CROCC: variants seen among roughly 807,000 people sequenced by gnomAD.
The protein encoded by CROCC is rootletin.
CROCC carries 180 observed loss-of-function variants against 245.2 expected under a neutral mutation model. The observed-to-expected ratio is 0.73, with a 90% CI of 0.65 to 0.83. The LOEUF is 0.83. Among genes scored for constraint, CROCC ranks in the 40% least tolerant of loss-of-function variants. CROCC has a pLI of 0.00. For synonymous variants in CROCC, 1,205 were observed against 1,241.6 expected, an observed-to-expected ratio of 0.97 and a Z score of 0.62; for missense variants, 2,688 against 2,779.4, an observed-to-expected ratio of 0.97 and a Z score of 0.74.
chr1:16,968,084 G>A, intron 30 of CROCC, 119 bp from the exon 31 acceptor site: 1 of 994,696 alleles, frequency 1.0e-6, no homozygotes. Context: ...GCCGGCCCCA[G>A]GTCACGTAGG....
At chr1:16,916,639 T>C (rs192517791) in intron 1 of CROCC, among the ~76,000 whole-genome samples, 65 of 152,388 alleles carry the variant, frequency 4.3e-4, no homozygotes, top group African/African-American at 1.5e-3. Flanking sequence ...CTCAAGGAAC[T>C]GGGACTACAG....
intron 2 of CROCC, 93 bp downstream of exon 2, chr1:16,922,891 C>G: frequency 6.7e-7 from 1 of 1,498,452 alleles, no homozygotes; most frequent in Non-Finnish European, 9.0e-7. Context: ...ATGATCATGA[C>G]TGTAACTCAC....
At chr1:16,971,770 G>A (rs2100567718) in intron 36 of CROCC, 123 bp downstream of exon 36, 1 of 1,032,092 alleles carries the variant, frequency 9.7e-7, no homozygotes, top group African/African-American at 1.7e-5. Flanking sequence ...AAAAGGGTGG[G>A]GTTGGCTCTG....
At chr1:16,928,916 T>A (rs1438366055) in intron 3 of CROCC, among the ~76,000 whole-genome samples, 1 of 152,204 alleles carries the variant, frequency 6.6e-6, no homozygotes, top group Non-Finnish European at 1.5e-5. Context: ...AACCTCCGCC[T>A]CCCAGGTTCA....
At chr1:16,924,521 C>A in intron 3 of CROCC, 42 bp downstream of exon 3, 1 of 1,596,432 alleles carries the variant, frequency 6.3e-7, no homozygotes, top group Non-Finnish European at 8.6e-7. Context: ...GGGTTCCCCT[C>A]GTTCAAGGGC....
At position 16,970,467 on chromosome 1, in the gene CROCC, C is replaced by T. The variant is rs1226745170; in HGVS notation, c.5652+14C>T. On this transcript the variant is annotated intron_variant, in intron 34 of 36. Coordinates refer to ENST00000375541, the MANE Select transcript of CROCC (RefSeq NM_014675.5). ...ACGCTGGACAAGGTAGGCTGCTCCC[C>T]AGGCTCTCCCCTCACTTCCTCTGGG... 6.4e-7 allele frequency: 1 copy of T among 1,556,324 alleles called. No individual in the cohort carries two copies. The highest frequency in any genetic ancestry group is 8.7e-7 in the Non-Finnish European group (1 of 1,147,152).
chr1:16,940,390 A>ATT (rs34580933), intron 13 of CROCC, among the ~76,000 whole-genome samples: 5,384 of 135,928 alleles, frequency 0.04, 59 homozygotes, highest in African/African-American at 0.073. Flanking sequence ...TGCCGGGCTA[A>ATT]TTTTTTTTTT....
chr1:16,938,071 A>G (rs2075831781), intron 10 of CROCC, among the ~76,000 whole-genome samples: 1 of 152,262 alleles, frequency 6.6e-6, no homozygotes, highest in Non-Finnish European at 1.5e-5. Context: ...GCCTCTGGCA[A>G]CCTAGCTGCC....
intron 15 of CROCC, 63 bp downstream of exon 15, chr1:16,945,669 A>C (rs1278302045): frequency 2.6e-6 from 4 of 1,533,172 alleles, no homozygotes; most frequent in East Asian, 4.5e-5. Context: ...AAGCCTTGTC[A>C]CTCTGGCACA....
At chr1:16,937,272 G>A (rs1172125031) in intron 9 of CROCC, among the ~76,000 whole-genome samples, 1 of 151,842 alleles carries the variant, frequency 6.6e-6, no homozygotes, top group Non-Finnish European at 1.5e-5. Context: ...AGAATCGCTT[G>A]AACCCAGGAT....
chr1:16,955,622 A>C, intron 24 of CROCC, 72 bp downstream of exon 24: 1 of 1,280,492 alleles, frequency 7.8e-7, no homozygotes, highest in Non-Finnish European at 1.0e-6. Context: ...TTCACCCCCA[A>C]CGTTCTGGGG....
chr1:16,964,249 A>C (rs2076383247), intron 27 of CROCC, among the ~76,000 whole-genome samples: 1 of 144,614 alleles, frequency 6.9e-6, no homozygotes, highest in Non-Finnish European at 1.5e-5. Context: ...TTCCTGCCTC[A>C]GCCTCCAGAC....
chr1:16,924,847 G>A (rs1423490015), intron 3 of CROCC, among the ~76,000 whole-genome samples: 23 of 152,372 alleles, frequency 1.5e-4, no homozygotes, highest in South Asian at 4.1e-4. Context: ...CCATTGCCAC[G>A]GGCCTTGGGG....
In CROCC at chr1:16,970,336, G is replaced by C; in HGVS notation, c.5535G>C (p.Glu1845Asp). The C allele has an allele frequency of 6.3e-7, 1 of 1,588,810 alleles. No individual in the cohort carries two copies. The highest frequency in any genetic ancestry group is 1.1e-5 in the South Asian group (1 of 87,630). Residue 1845 changes from glutamate (E) to aspartate (D), a missense_variant, in exon 34 of 37, where the codon GAG becomes GAC. Coordinates refer to ENST00000375541, the MANE Select transcript of CROCC (RefSeq NM_014675.5). ...KLQDERRLLQ[E>D]RLGSLQRALA... is the part of the protein sequence containing the mutation. ...AAGACGAGCGGCGGCTGCTGCAGGA[G>C]CGCCTGGGAAGCCTGCAGCGCGCCC...
chr1:16,920,070 AT>A (rs2075371123), upstream of CROCC, among the ~76,000 whole-genome samples: 1 of 130,606 alleles, frequency 7.7e-6, no homozygotes, highest in African/African-American at 2.7e-5. Flanking sequence ...TTTTTTTTAT[AT>A]TTATTTATTT....
At chr1:16,968,592 A>G (rs909845855) in intron 31 of CROCC, among the ~76,000 whole-genome samples, 174 bp downstream of exon 31, 3 of 152,246 alleles carry the variant, frequency 2.0e-5, no homozygotes, top group African/African-American at 7.2e-5. Context: ...TCCCATAGCT[A>G]GTAAGAGGCA....
upstream of CROCC, among the ~76,000 whole-genome samples, chr1:16,919,812 T>G (rs895236214): frequency 6.6e-6 from 1 of 152,282 alleles, no homozygotes; most frequent in African/African-American, 2.4e-5. Flanking sequence ...ACTCCTGGGC[T>G]CAAGCGATTC....
In CROCC at chr1:16,950,963, G is replaced by C; in HGVS notation, c.2847G>C (p.Ala949=). Residue 949 remains alanine (A), a synonymous_variant, in exon 20 of 37, where the codon GCG becomes GCC. Coordinates refer to ENST00000375541, the MANE Select transcript of CROCC (RefSeq NM_014675.5). ...ATTCCTCTCGTGCAGGGGAGTTGGC[G>C]GGCCTGCGGCAGCAAATAATAGCTA... ...LAKETLTGEL[A]GLRQQIIATQ... The C allele has an allele frequency of 6.4e-7, 1 of 1,554,688 alleles. No homozygotes were observed. Among genetic ancestry groups the C allele is most frequent in the Non-Finnish European group, 8.7e-7 (1 of 1,151,882 alleles).
intron 32 of CROCC, 123 bp from the exon 33 acceptor site, chr1:16,969,662 C>A: frequency 7.1e-7 from 1 of 1,398,776 alleles, no homozygotes; most frequent in Non-Finnish European, 9.6e-7. Context: ...TTGGTGTGCA[C>A]CCCACCCTCC....
Sources: allele counts gnomAD v4.1 joint callset (sites outside exome capture counted in the v4.1 genomes callset), GRCh38; gene constraint gnomAD v4.1.1; transcripts MANE v1.5; gene names NCBI Gene and HGNC (gene_info 2026-07-23, HGNC 2026-07-21).